Variants in CD247 observed in about 807,000 individuals in gnomAD.
CD247 encodes the protein T-cell surface glycoprotein CD3 zeta chain.
CD247 carries 13 observed loss-of-function variants against 30.0 expected under a neutral mutation model. The ratio of observed to expected loss-of-function variants is 0.43; its 90% confidence interval spans 0.28 to 0.69. The LOEUF is 0.69. CD247 is among the 30% of genes least tolerant of loss of function. The pLI is 0.16. For missense variants in CD247, 193 were observed against 212.6 expected (o/e 0.91, Z 0.57); for synonymous variants, 72 against 80.0 (o/e 0.90, Z 0.53).
intron 1 of CD247, among the ~76,000 whole-genome samples, chr1:167,465,146 C>G (rs1193440430): frequency 6.6e-6 from 1 of 151,942 alleles, no homozygotes; most frequent in Non-Finnish European, 1.5e-5. Context: ...GAGACCTATC[C>G]AGACAGAGAA....
intron 1 of CD247, among the ~76,000 whole-genome samples, chr1:167,454,509 C>A (rs1485602001): frequency 3.3e-5 from 5 of 152,262 alleles, no homozygotes; most frequent in Non-Finnish European, 7.3e-5. Flanking sequence ...GCGCTTTGCG[C>A]CCAGCCCTGG....
chr1:167,437,711 G>A (rs1651615443), intron 4 of CD247, among the ~76,000 whole-genome samples: 1 of 152,196 alleles, frequency 6.6e-6, no homozygotes, highest in Non-Finnish European at 1.5e-5. Flanking sequence ...ACCAGAGGCT[G>A]GGGAATGGGG....
rs553999525 is a variant in CD247 at position 167,432,041 on chromosome 1, C to A, written c.430-295G>T. On this transcript the variant is annotated intron_variant, in intron 7 of 7. Transcript: ENST00000362089. ...GCTGTGCCTTACAGTGCTTGGGCCCCGCCAACTTCCTGCTGGACCTAAGAG... is the reference window on the plus strand; with the variant it reads ...GCTGTGCCTTACAGTGCTTGGGCCCAGCCAACTTCCTGCTGGACCTAAGAG... Among the ~76,000 whole-genome samples, 14 of 152,352 alleles carry A rather than the reference C, an allele frequency of 9.2e-5. No individual in the cohort carries two copies. In the South Asian group the frequency reaches 2.7e-3, roughly 29 times the overall value.
intron 1 of CD247, among the ~76,000 whole-genome samples, chr1:167,503,909 G>A (rs912329863): frequency 2.6e-5 from 4 of 152,136 alleles, no homozygotes; most frequent in Admixed American, 1.3e-4. Flanking sequence ...TTAGAGTCAC[G>A]GCTGGTGTTT....
chr1:167,480,387 C>T (rs968078820), intron 1 of CD247, among the ~76,000 whole-genome samples: 3 of 152,320 alleles, frequency 2.0e-5, no homozygotes, highest in East Asian at 3.9e-4. Context: ...AAAACTGAGG[C>T]AGCATGCACG....
At chr1:167,468,391 A>G (rs1288390505) in intron 1 of CD247, among the ~76,000 whole-genome samples, 1 of 152,194 alleles carries the variant, frequency 6.6e-6, no homozygotes, top group Non-Finnish European at 1.5e-5. Context: ...GCATCGTTAT[A>G]ATTTATTATT....
chr1:167,498,416 G>A (rs1156578839), intron 1 of CD247, among the ~76,000 whole-genome samples: 6 of 152,148 alleles, frequency 3.9e-5, no homozygotes, highest in Non-Finnish European at 7.3e-5. Context: ...CAGGCTTCAG[G>A]GACTGTCAAA....
At chr1:167,457,620 G>A (rs573006038) in intron 1 of CD247, 1 of 152,234 alleles carries the variant, frequency 6.6e-6, no homozygotes, top group African/African-American at 2.4e-5. Context: ...ATTGCCCAGA[G>A]CTCTCCATCC....
intron 1 of CD247, among the ~76,000 whole-genome samples, chr1:167,461,590 C>G (rs973114789): frequency 6.6e-6 from 1 of 152,204 alleles, no homozygotes; most frequent in East Asian, 1.9e-4. Context: ...TGGCTCACGC[C>G]TGTAATCCCA....
intron 1 of CD247, among the ~76,000 whole-genome samples, chr1:167,495,800 G>A (rs1035856300): frequency 3.9e-5 from 6 of 152,066 alleles, no homozygotes; most frequent in African/African-American, 1.5e-4. Flanking sequence ...GTTCCCACTT[G>A]GCTTGCTCGC....
At chr1:167,480,135 G>A (rs1361850886) in intron 1 of CD247, among the ~76,000 whole-genome samples, 1 of 152,174 alleles carries the variant, frequency 6.6e-6, no homozygotes, top group Non-Finnish European at 1.5e-5. Context: ...TAGTAGACCT[G>A]TGAGTTAAAG....
intron 1 of CD247, among the ~76,000 whole-genome samples, chr1:167,495,413 G>A (rs1391192863): frequency 6.6e-6 from 1 of 152,164 alleles, no homozygotes; most frequent in East Asian, 1.9e-4. Context: ...CCAGAGGGAA[G>A]AAGAGTGTGC....
chr1:167,447,683 G>A (rs1652152379), intron 1 of CD247, among the ~76,000 whole-genome samples: 1 of 152,144 alleles, frequency 6.6e-6, no homozygotes, highest in Non-Finnish European at 1.5e-5. Context: ...CGACCTCCCA[G>A]GGTGTGTGAC....
intron 1 of CD247, among the ~76,000 whole-genome samples, chr1:167,481,163 T>C (rs145825927): frequency 1.7e-3 from 253 of 152,320 alleles, no homozygotes; most frequent in African/African-American, 5.8e-3. Context: ...GGCATGTTCA[T>C]GTGGTCTCAG....
At chr1:167,497,527 T>C (rs1178937819) in intron 1 of CD247, among the ~76,000 whole-genome samples, 1 of 152,198 alleles carries the variant, frequency 6.6e-6, no homozygotes, top group African/African-American at 2.4e-5. Flanking sequence ...GCTTTCTTAG[T>C]GGCAAATTAC....
At chr1:167,467,879 A>T (rs1653329505) in intron 1 of CD247, among the ~76,000 whole-genome samples, 1 of 152,210 alleles carries the variant, frequency 6.6e-6, no homozygotes, top group South Asian at 2.1e-4. Flanking sequence ...GGTAACAAAT[A>T]GAAGCATGAG....
chr1:167,438,755 AAG>A, intron 3 of CD247, 105 bp from the exon 4 acceptor site: 1 of 889,042 alleles, frequency 1.1e-6, no homozygotes, highest in Non-Finnish European at 1.9e-6. Context: ...GGCTCATAAA[AAG>A]AGGGGCAGGG....
chr1:167,516,540 G>A lies in CD247; in HGVS notation c.58+1868C>T, dbSNP rs563259789. On this transcript the variant is annotated intron_variant, in intron 1 of 7. Transcript: ENST00000362089. Reference sequence around the variant, plus strand: ...AAATTCTATGTGCGGCCTTTCCTCCGGGGAGACTGTGGAGGTGTCCCCTCA... The same window carrying A: ...AAATTCTATGTGCGGCCTTTCCTCCAGGGAGACTGTGGAGGTGTCCCCTCA... 1.5e-4 allele frequency among the ~76,000 whole-genome samples: 23 copies of A among 152,290 alleles called. No individual in the cohort carries two copies. The South Asian group carries it at 2.1e-3, about 14-fold the overall frequency.
chr1:167,484,547 C>G (rs574136051), intron 1 of CD247, among the ~76,000 whole-genome samples: 8 of 152,204 alleles, frequency 5.3e-5, no homozygotes, highest in Non-Finnish European at 1.2e-4. Flanking sequence ...GAGGCCAAGG[C>G]GGGCGGATCA....
Sources: allele counts gnomAD v4.1 joint callset (sites outside exome capture counted in the v4.1 genomes callset), GRCh38; gene constraint gnomAD v4.1.1; transcripts MANE v1.5; gene names NCBI Gene and HGNC (gene_info 2026-07-23, HGNC 2026-07-21).